The following SLC24A2 variants were observed in gnomAD, a reference collection of about 807,000 sequenced individuals.
The protein encoded by SLC24A2 is solute carrier family 24 member 2.
In SLC24A2, 36 loss-of-function variants were observed where a neutral mutation model predicts 62.0. The observed-to-expected ratio is 0.58, with a 90% confidence interval of 0.44 to 0.77. SLC24A2 has a LOEUF of 0.77. Ranked by LOEUF, SLC24A2 falls within the 30% of genes least tolerant of loss-of-function variation. The pLI is 0.00. For missense variants in SLC24A2, 846 were observed against 817.9 expected (o/e 1.03, Z -0.42); for synonymous variants, 358 against 294.0 (o/e 1.22, Z -2.23).
At chr9:19,921,086 G>T in the SLC24A2 span, among the ~76,000 whole-genome samples, 18 of 148,262 alleles carry the variant, frequency 1.2e-4, no homozygotes, top group Admixed American at 2.7e-4. Flanking sequence ...TATGGGGGGG[G>T]GGTGTTCCAA....
chr9:19,584,119 C>G (rs1185207801), intron 5 of SLC24A2, among the ~76,000 whole-genome samples: 1 of 152,062 alleles, frequency 6.6e-6, no homozygotes, highest in Non-Finnish European at 1.5e-5. Flanking sequence ...CCTCTGCCAT[C>G]TTTAGTATCC....
At chr9:19,557,290 G>T (rs1038378891) in intron 7 of SLC24A2, among the ~76,000 whole-genome samples, 1 of 152,200 alleles carries the variant, frequency 6.6e-6, no homozygotes, top group South Asian at 2.1e-4. Context: ...AACATGAAGT[G>T]TAGGAGTTCA....
At chr9:19,858,333 A>G in the SLC24A2 span, among the ~76,000 whole-genome samples, 1 of 152,224 alleles carries the variant, frequency 6.6e-6, no homozygotes, top group African/African-American at 2.4e-5. Flanking sequence ...CTCCTTTCTT[A>G]CACCATACAC....
chr9:19,902,814 G>T, the SLC24A2 span, among the ~76,000 whole-genome samples: 3 of 152,166 alleles, frequency 2.0e-5, no homozygotes, highest in African/African-American at 7.2e-5. Context: ...TTGGTTACAT[G>T]AACTAACACT....
chr9:19,643,131 A>G (rs1327900480), intron 2 of SLC24A2, among the ~76,000 whole-genome samples: 1 of 151,968 alleles, frequency 6.6e-6, no homozygotes, highest in African/African-American at 2.4e-5. Context: ...TGCATATCAA[A>G]TGTAAGTTGT....
intron 2 of SLC24A2, among the ~76,000 whole-genome samples, chr9:19,719,648 C>T (rs963338069): frequency 2.6e-5 from 4 of 152,148 alleles, no homozygotes; most frequent in Admixed American, 2.0e-4. Flanking sequence ...TGGAAAGTTT[C>T]ATTTTTAAAA....
intron 2 of SLC24A2, among the ~76,000 whole-genome samples, chr9:19,693,781 C>T (rs923911624): frequency 4.5e-4 from 68 of 152,070 alleles, no homozygotes; most frequent in South Asian, 1.5e-3. Flanking sequence ...CCGAGGCACT[C>T]TTTATTTATT....
At chr9:19,634,701 T>C (rs10514826) in intron 2 of SLC24A2, among the ~76,000 whole-genome samples, 10,266 of 152,222 alleles carry the variant, frequency 0.067, 929 homozygotes, top group African/African-American at 0.21. Context: ...CAGAACAAAA[T>C]GTATTCAGAA....
chr9:19,647,421 G>T (rs1818675259), intron 2 of SLC24A2, among the ~76,000 whole-genome samples: 3 of 152,166 alleles, frequency 2.0e-5, no homozygotes, highest in African/African-American at 7.2e-5. Context: ...TAAAACTGAA[G>T]AAGTAAGAAG....
the SLC24A2 span, among the ~76,000 whole-genome samples, chr9:20,241,207 C>T: frequency 6.6e-6 from 1 of 152,176 alleles, no homozygotes; most frequent in Non-Finnish European, 1.5e-5. Flanking sequence ...TTACATTCAC[C>T]ATATTAGGAC....
At chr9:20,185,578 T>A in the SLC24A2 span, among the ~76,000 whole-genome samples, 1 of 146,692 alleles carries the variant, frequency 6.8e-6, no homozygotes, top group Non-Finnish European at 1.5e-5. Flanking sequence ...GGCAGGAGAA[T>A]GGCGTGAACC....
At chr9:19,931,604 T>C in the SLC24A2 span, among the ~76,000 whole-genome samples, 1 of 152,230 alleles carries the variant, frequency 6.6e-6, no homozygotes, top group South Asian at 2.1e-4. Flanking sequence ...CCAAGGCTTT[T>C]ATATTTAAAT....
the SLC24A2 span, among the ~76,000 whole-genome samples, chr9:19,908,229 T>G: frequency 6.6e-6 from 1 of 151,952 alleles, no homozygotes; most frequent in Non-Finnish European, 1.5e-5. Context: ...AAACAAGCAA[T>G]GGGGAAAGGA....
chr9:19,641,706 G>A (rs1311221559), intron 2 of SLC24A2, among the ~76,000 whole-genome samples: 1 of 151,796 alleles, frequency 6.6e-6, no homozygotes, highest in African/African-American at 2.4e-5. Flanking sequence ...GCAAAGACAG[G>A]GTTAAACATT....
chr9:19,766,569 T>C (rs139485274), intron 2 of SLC24A2, among the ~76,000 whole-genome samples: 1 of 152,308 alleles, frequency 6.6e-6, no homozygotes, highest in East Asian at 1.9e-4. Flanking sequence ...CTTCTGTAGG[T>C]CTGCTGGAGT....
At chr9:19,611,868 T>C (rs1328604804) in intron 4 of SLC24A2, among the ~76,000 whole-genome samples, 4 of 152,020 alleles carry the variant, frequency 2.6e-5, no homozygotes, top group Non-Finnish European at 5.9e-5. Flanking sequence ...CCTGGGAAAA[T>C]AGATTTCCCC....
chr9:20,276,417 G>C, the SLC24A2 span, among the ~76,000 whole-genome samples: 1 of 152,230 alleles, frequency 6.6e-6, no homozygotes, highest in Non-Finnish European at 1.5e-5. Context: ...TGCAAGAGTT[G>C]GGTTCCCATG....
the SLC24A2 span, among the ~76,000 whole-genome samples, chr9:19,843,416 G>A: frequency 1.3e-5 from 2 of 152,254 alleles, no homozygotes; most frequent in African/African-American, 4.8e-5. Context: ...GGAGGCTGAG[G>A]CCAGAGAATC....
At chr9:19,657,542 C>T (rs928184917) in intron 2 of SLC24A2, among the ~76,000 whole-genome samples, 1 of 152,036 alleles carries the variant, frequency 6.6e-6, no homozygotes, top group Non-Finnish European at 1.5e-5. Flanking sequence ...TCCCTCCCCT[C>T]GTTCCCACCC....
Sources: gnomAD v4.1 joint callset for allele counts (sites outside exome capture counted in the v4.1 genomes callset) on GRCh38, gnomAD v4.1.1 for gene constraint, MANE v1.5 for transcripts, NCBI Gene and HGNC (gene_info 2026-07-23, HGNC 2026-07-21) for gene names.